Variants in FOXJ1 observed in about 807,000 individuals in gnomAD.
FOXJ1 encodes the protein forkhead box protein J1.
A neutral mutation model predicts 29.3 loss-of-function variants in FOXJ1; 8 were observed. The observed-to-expected ratio is 0.27, with a 90% CI of 0.16 to 0.49. FOXJ1 has a LOEUF of 0.49. Ranked by LOEUF, FOXJ1 falls within the 20% of genes least tolerant of loss-of-function variation. The pLI is 0.98. For synonymous variants in FOXJ1, 280 were observed against 278.7 expected (o/e 1.00, Z -0.05); for missense variants, 539 against 595.5 (o/e 0.91, Z 0.99).
In FOXJ1 at chr17:76,136,345, A is replaced by C. The variant is rs1370604883; in HGVS notation, c.*1008T>G. 1.3e-5 allele frequency: 2 copies of C among 152,100 alleles called. No homozygotes were observed. The highest frequency in any genetic ancestry group is 2.9e-5 in the Non-Finnish European group (2 of 68,010). The allele number at this position is 152,100 out of a possible 1,614,324, so 9.4% of individuals were successfully genotyped here. The stretch of plus-strand genomic sequence containing the variant: ...GAGCAGGTCCATATTTAGATTTTTA[A>C]AAATTTTATTTTTAAAAACTTTTCA... On this transcript the variant is annotated 3_prime_UTR_variant, in exon 3 of 3. Transcript: ENST00000322957. The surrounding 1 kb of genome is among the most constrained non-coding windows in gnomAD (Gnocchi z 4.9).
chr17:76,138,241 G>A, intron 2 of FOXJ1, 121 bp from the exon 3 acceptor site: 1 of 1,092,186 alleles, frequency 9.2e-7, no homozygotes, highest in Non-Finnish European at 1.3e-6. Flanking sequence ...GAGAGGAGGG[G>A]GGGACAGACA....
Position 76,137,839 on chromosome 17 carries a change from C to A in FOXJ1, c.780G>T (p.Glu260Asp), listed in dbSNP as rs1163898005. The change falls in exon 3 of 3, where the codon GAG (glutamate) becomes GAT (aspartate). Residue 260 changes from glutamate to aspartate, a missense_variant. By Grantham distance (45) the Glu-to-Asp change is conservative. Transcript: ENST00000322957. The surrounding 1 kb of genome is among the most constrained non-coding windows in gnomAD (Gnocchi z 9.5). ...LLREFEEATGEAGWGAGEGRL... is the reference protein window; with the variant it reads ...LLREFEEATGDAGWGAGEGRL... The stretch of plus-strand genomic sequence containing the variant: ...TGCCCTCGCCTGCACCCCAGCCCGC[C>A]TCCCCGGTGGCCTCCTCGAACTCCC... 1 of 1,593,808 alleles carries A rather than the reference C, an allele frequency of 6.3e-7. No homozygotes were observed. The highest frequency in any genetic ancestry group is 1.3e-5 in the African/African-American group (1 of 74,644).
At position 76,140,069 on chromosome 17, in the gene FOXJ1, G is replaced by A. The variant is rs145296122; in HGVS notation, c.327C>T (p.Pro109=). 4 of 1,606,626 alleles carry A rather than the reference G, an allele frequency of 2.5e-6. No individual in the cohort carries two copies. In the Admixed American group the frequency reaches 5.0e-5, roughly 20 times the overall value. The part of the protein sequence containing the change: ...SAPPGLQAPP[P]DDVDYATNPH... The stretch of plus-strand genomic sequence containing the variant: ...GATTGGTGGCGTAGTCCACGTCGTC[G>A]GGGGGTGGGGCCTGCAGCCCCGGGG... The change falls in exon 2 of 3, where the codon CCC becomes CCT. Residue 109 remains proline, a synonymous_variant. Transcript: ENST00000322957. The surrounding 1 kb of genome is among the most constrained non-coding windows in gnomAD (Gnocchi z 8.0).
chr17:76,140,023 A>G lies in FOXJ1; in HGVS notation c.373T>C (p.Ser125Pro), dbSNP rs2068504994. The G allele has an allele frequency of 6.2e-7, 1 of 1,612,652 alleles. No homozygotes were observed. Among genetic ancestry groups the G allele is most frequent in the Admixed American group, 1.7e-5 (1 of 59,980 alleles). ...ATNPHVKPPY[S>P]YATLICMAMQ... is the part of the protein sequence containing the mutation. Reference sequence around the variant, plus strand: ...GCCATGCAGATGAGCGTGGCATACGAGTAGGGAGGCTTCACGTGCGGATTG... The same window carrying G: ...GCCATGCAGATGAGCGTGGCATACGGGTAGGGAGGCTTCACGTGCGGATTG... Residue 125 changes from serine to proline, a missense_variant, in exon 2 of 3, where the codon TCG (serine) becomes CCG (proline). By Grantham distance (74) the Ser-to-Pro change is moderately conservative. Coordinates refer to ENST00000322957, the MANE Select transcript of FOXJ1 (RefSeq NM_001454.4). The surrounding 1 kb of genome is among the most constrained non-coding windows in gnomAD (Gnocchi z 8.0).
At chr17:76,138,642 C>T (rs749030740) in intron 2 of FOXJ1, among the ~76,000 whole-genome samples, 7 of 152,098 alleles carry the variant, frequency 4.6e-5, no homozygotes, top group Non-Finnish European at 7.4e-5. Flanking sequence ...TTTGTTGAGC[C>T]GGCTGCTGGC....
Position 76,140,687 on chromosome 17 carries a change from GA to G in FOXJ1, c.-169-124del, listed in dbSNP as rs2068511627. The G allele has an allele frequency of 7.8e-6, 3 of 386,662 alleles. No individual in the cohort carries two copies. Among genetic ancestry groups the G allele is most frequent in the Admixed American group, 9.5e-5 (2 of 21,140 alleles). The allele number at this position is 386,662 out of a possible 1,614,324, so 24.0% of individuals were successfully genotyped here. On this transcript the variant is annotated intron_variant, in intron 1 of 2. Coordinates refer to ENST00000322957, the MANE Select transcript of FOXJ1 (RefSeq NM_001454.4). The surrounding 1 kb of genome is among the most constrained non-coding windows in gnomAD (Gnocchi z 8.0). The stretch of plus-strand genomic sequence containing the variant: ...AGGATCTTTTAGTGCCGAGGTATGG[GA>G]AACAGAAGCAAGGCCCTGGGGTCCC...
intron 2 of FOXJ1, among the ~76,000 whole-genome samples, chr17:76,138,965 C>G (rs2068498385): frequency 6.6e-6 from 1 of 152,172 alleles, no homozygotes; most frequent in African/African-American, 2.4e-5. Context: ...ATGGTGATGG[C>G]TGAAGACTCT....
In FOXJ1 at chr17:76,138,002, A is replaced by G. The variant is rs1276933283; in HGVS notation, c.617T>C (p.Leu206Pro). The G allele has an allele frequency of 6.2e-7, 1 of 1,612,556 alleles. No homozygotes were observed. Among genetic ancestry groups the G allele is most frequent in the Non-Finnish European group, 8.5e-7 (1 of 1,179,510 alleles). Reference protein sequence around the residue: ...RIDPQYAERLLSGAFKKRRLP... With the variant: ...RIDPQYAERLPSGAFKKRRLP... ...TCGCCGCTTCTTGAAAGCGCCGCTC[A>G]GTAGCCGCTCCGCGTACTGGGGGTC... is the stretch of plus-strand genomic sequence containing the variant. Residue 206 changes from leucine (L) to proline (P), a missense_variant, in exon 3 of 3, where the codon CTG becomes CCG. Transcript: ENST00000322957.
intron 2 of FOXJ1, 92 bp from the exon 3 acceptor site, chr17:76,138,212 C>G (rs1391734614): frequency 1.8e-5 from 25 of 1,379,852 alleles, no homozygotes; most frequent in Non-Finnish European, 2.4e-5. Flanking sequence ...GCGCACCCCC[C>G]ATCTTTTCTC....
In FOXJ1 at chr17:76,137,579, G is replaced by A; in HGVS notation, c.1040C>T (p.Thr347Ile). The A allele has an allele frequency of 6.3e-7, 1 of 1,599,694 alleles. No homozygotes were observed. The part of the protein sequence containing the change: ...SPASHVDVDL[T>I]IHGRHIDCPA... ...GCAGTCGATGTGGCGGCCGTGGATG[G>A]TGAGGTCCACGTCCACGTGTGAGGC... The change falls in exon 3 of 3, where the codon ACC becomes ATC. Residue 347 changes from threonine to isoleucine, a missense_variant. By Grantham distance (89) the Thr-to-Ile change is moderately conservative (BLOSUM62 -1). Around this residue, in one of 3 missense-constraint regions of FOXJ1, gnomAD observed 302 missense variants for 293.6 expected, o/e 1.03. Transcript: ENST00000322957. This position sits in a 1 kb window ranked among gnomAD's most constrained non-coding sequence, Gnocchi z 9.5.
In FOXJ1 at chr17:76,137,298, G is replaced by A. The variant is rs905716699; in HGVS notation, c.*55C>T. On this transcript the variant is annotated 3_prime_UTR_variant, in exon 3 of 3. Transcript: ENST00000322957. The surrounding 1 kb of genome is among the most constrained non-coding windows in gnomAD (Gnocchi z 9.5). ...GGTGTCTGTGGACCTGTGTTGGGGG[G>A]CAGTTCTGGACCCTGACTTGGGCAC... 27 of 1,382,996 alleles carry A rather than the reference G, an allele frequency of 2.0e-5. No individual in the cohort carries two copies. In the Admixed American group the frequency reaches 2.7e-4, roughly 14 times the overall value. The allele number at this position is 1,382,996 out of a possible 1,614,324, so 85.7% of individuals were successfully genotyped here. A position where few individuals can be genotyped will look rare whatever the true frequency, so the allele number is the denominator to read the frequency against.
Position 76,139,703 on chromosome 17 carries a change from TTCTCTC to T in FOXJ1, c.498+189_498+194del, listed in dbSNP as rs3217611. Among the ~76,000 whole-genome samples, 2 of 150,236 alleles carry T rather than the reference TTCTCTC, an allele frequency of 1.3e-5. No individual in the cohort carries two copies. The highest frequency in any genetic ancestry group is 2.0e-4 in the East Asian group (1 of 5,118). On this transcript the variant is annotated intron_variant, in intron 2 of 2. Transcript: ENST00000322957. The surrounding 1 kb of genome is among the most constrained non-coding windows in gnomAD (Gnocchi z 6.6). Reference sequence around the variant, plus strand: ...GCCCTCCACCTCTGGACATTCTCCCTTCTCTCTCTCTCTCTCTCTGGAAGTCAAAGG... The same window carrying T: ...GCCCTCCACCTCTGGACATTCTCCCTTCTCTCTCTCTCTGGAAGTCAAAGG...
At position 76,137,012 on chromosome 17, in the gene FOXJ1, CCTCCCCAGCCTGACCCGGG is replaced by C. The variant is rs1451683765; in HGVS notation, c.*322_*340del. ...TGCTCTGGGAGGGCCCAGTTCTGTT[CCTCCCCAGCCTGACCCGGG>C]CTCCTCCAGGCCTCGGCTCTCATGG... On this transcript the variant is annotated 3_prime_UTR_variant, in exon 3 of 3. Transcript: ENST00000322957. This position sits in a 1 kb window ranked among gnomAD's most constrained non-coding sequence, Gnocchi z 9.5. 1 of 242,974 alleles carries C rather than the reference CCTCCCCAGCCTGACCCGGG, an allele frequency of 4.1e-6. No homozygotes were observed. Among genetic ancestry groups the C allele is most frequent in the Admixed American group, 5.5e-5 (1 of 18,334 alleles). The allele number at this position is 242,974 out of a possible 1,614,324, so 15.1% of individuals were successfully genotyped here.
chr17:76,140,070 G>T lies in FOXJ1; in HGVS notation c.326C>A (p.Pro109His), dbSNP rs745334236. ...ATTGGTGGCGTAGTCCACGTCGTCGGGGGGTGGGGCCTGCAGCCCCGGGGG... is the reference window on the plus strand; with the variant it reads ...ATTGGTGGCGTAGTCCACGTCGTCGTGGGGTGGGGCCTGCAGCCCCGGGGG... ...SAPPGLQAPPPDDVDYATNPH... is the reference protein window; with the variant it reads ...SAPPGLQAPPHDDVDYATNPH... Residue 109 changes from proline to histidine, a missense_variant, in exon 2 of 3, where the codon CCC (proline) becomes CAC (histidine). Coordinates refer to ENST00000322957, the MANE Select transcript of FOXJ1 (RefSeq NM_001454.4). The surrounding 1 kb of genome is among the most constrained non-coding windows in gnomAD (Gnocchi z 8.0). 6 of 1,607,440 alleles carry T rather than the reference G, an allele frequency of 3.7e-6. No individual in the cohort carries two copies. Among genetic ancestry groups the T allele is most frequent in the Non-Finnish European group, 2.5e-6 (3 of 1,179,882 alleles).
rs77221925 is a variant in FOXJ1 at position 76,137,164 on chromosome 17, C to T, written c.*189G>A. ...GGAGGCAGCGATTCTGGTCCTGGGC[C>T]CTCGTTTTCAGCCTCCTGGGCTTGA... On this transcript the variant is annotated 3_prime_UTR_variant, in exon 3 of 3. Coordinates refer to ENST00000322957, the MANE Select transcript of FOXJ1 (RefSeq NM_001454.4). The surrounding 1 kb of genome is among the most constrained non-coding windows in gnomAD (Gnocchi z 9.5). 3,177 of 499,196 alleles carry T rather than the reference C, an allele frequency of 6.4e-3. 101 individuals carry two copies. The highest frequency in any genetic ancestry group is 0.057 in the African/African-American group (2,898 of 50,620). The allele number at this position is 499,196 out of a possible 1,614,324, so 30.9% of individuals were successfully genotyped here.
Position 76,137,951 on chromosome 17 carries a change from G to T in FOXJ1, c.668C>A (p.Ala223Asp). The T allele has an allele frequency of 6.3e-7, 1 of 1,588,068 alleles. No homozygotes were observed. Among genetic ancestry groups the T allele is most frequent in the Non-Finnish European group, 8.6e-7 (1 of 1,167,246 alleles). Reference sequence around the variant, plus strand: ...CTCCTGCGCGGCCTGGCGGGCAAAGGCTGGGTGGATGTGGACAGGGGGCAG... The same window carrying T: ...CTCCTGCGCGGCCTGGCGGGCAAAGTCTGGGTGGATGTGGACAGGGGGCAG... ...RRLPPVHIHP[A>D]FARQAAQEPS... is the part of the protein sequence containing the mutation. The change falls in exon 3 of 3, where the codon GCC (alanine) becomes GAC (aspartate). Residue 223 changes from alanine (A) to aspartate (D), a missense_variant. Ala to Asp is a moderately radical substitution (Grantham distance 126, BLOSUM62 -2). Coordinates refer to ENST00000322957, the MANE Select transcript of FOXJ1 (RefSeq NM_001454.4). The surrounding 1 kb of genome is among the most constrained non-coding windows in gnomAD (Gnocchi z 9.5).
chr17:76,138,370 G>A lies in FOXJ1; in HGVS notation c.499-250C>T, dbSNP rs148208838. ...GGGATATCTGCCTGCTCAGTCATCC[G>A]AGCTCTGAGCCGCAGGGTGGCTCTC... On this transcript the variant is annotated intron_variant, in intron 2 of 2. Coordinates refer to ENST00000322957, the MANE Select transcript of FOXJ1 (RefSeq NM_001454.4). Among the ~76,000 whole-genome samples, 467 of 152,252 alleles carry A rather than the reference G, an allele frequency of 3.1e-3. 1 individual carries two copies. Among genetic ancestry groups the A allele is most frequent in the African/African-American group, 0.01 (428 of 41,546 alleles).
In FOXJ1 at chr17:76,138,772, C is replaced by T. The variant is rs866811385; in HGVS notation, c.499-652G>A. 2.0e-5 allele frequency among the ~76,000 whole-genome samples: 3 copies of T among 152,314 alleles called. No individual in the cohort carries two copies. In the South Asian group the frequency reaches 6.2e-4, roughly 32 times the overall value. On this transcript the variant is annotated intron_variant, in intron 2 of 2. Transcript: ENST00000322957. ...GCCCGTTTCTCGAAGCGCAGCTGCA[C>T]AGGCTTAGGGTAGGGTGGGGCTGAG...
chr17:76,137,994 C>T lies in FOXJ1; in HGVS notation c.625G>A (p.Ala209Thr), dbSNP rs547142797. ...PQYAERLLSG[A>T]FKKRRLPPVH... ...GGGGGCAGTCGCCGCTTCTTGAAAG[C>T]GCCGCTCAGTAGCCGCTCCGCGTAC... The change falls in exon 3 of 3, where the codon GCT becomes ACT. Residue 209 changes from alanine (A) to threonine (T), a missense_variant. Around this residue, in one of 3 missense-constraint regions of FOXJ1, gnomAD observed 178 missense variants for 254.4 expected, o/e 0.70. Coordinates refer to ENST00000322957, the MANE Select transcript of FOXJ1 (RefSeq NM_001454.4). This position sits in a 1 kb window ranked among gnomAD's most constrained non-coding sequence, Gnocchi z 9.5. 3.7e-6 allele frequency: 6 copies of T among 1,610,402 alleles called. No homozygotes were observed. Among genetic ancestry groups the T allele is most frequent in the Non-Finnish European group, 4.2e-6 (5 of 1,178,620 alleles).
Sources: gnomAD v4.1 joint callset for allele counts (sites outside exome capture counted in the v4.1 genomes callset) on GRCh38, gnomAD v4.1.1 for gene constraint, gnomAD v4.1.1 regional missense constraint, Gnocchi (gnomAD v3.1) non-coding constraint, MANE v1.5 for transcripts, NCBI Gene and HGNC (gene_info 2026-07-23, HGNC 2026-07-21) for gene names.